Variants in DPP6 observed in about 807,000 individuals in gnomAD.
DPP6 encodes the protein A-type potassium channel modulatory protein DPP6.
A neutral mutation model predicts 122.6 loss-of-function variants in DPP6; 69 were observed. The observed-to-expected ratio is 0.56, with a 90% CI of 0.46 to 0.69. DPP6 has a LOEUF of 0.69. Ranked by LOEUF, DPP6 falls within the 30% of genes least tolerant of loss-of-function variation. DPP6 has a pLI of 0.00. For synonymous variants in DPP6, 418 were observed against 433.1 expected (o/e 0.97, Z 0.43); for missense variants, 928 against 1,116.9 (o/e 0.83, Z 2.41).
chr7:153,993,909 C>G (rs1228027260), intron 1 of DPP6, among the ~76,000 whole-genome samples: 1 of 152,000 alleles, frequency 6.6e-6, no homozygotes, highest in African/African-American at 2.4e-5. Context: ...GCTAAGGTGC[C>G]AACTCTAACG....
intron 1 of DPP6, among the ~76,000 whole-genome samples, chr7:154,347,872 C>T (rs899432896): frequency 5.9e-5 from 9 of 152,168 alleles, no homozygotes; most frequent in Admixed American, 5.2e-4. Flanking sequence ...GTGAACCAGC[C>T]CTGCCAATGA....
At chr7:153,857,322 T>TCTCTCTC in the DPP6 span, among the ~76,000 whole-genome samples, 32 of 124,476 alleles carry the variant, frequency 2.6e-4, no homozygotes, top group East Asian at 2.3e-3. Context: ...CTCAAAGGTT[T>TCTCTCTC]TCTCTCTCTC....
chr7:154,027,926 C>A (rs1033211726), intron 1 of DPP6, among the ~76,000 whole-genome samples: 1 of 151,182 alleles, frequency 6.6e-6, no homozygotes, highest in East Asian at 1.9e-4. Flanking sequence ...TCCTGGATCC[C>A]GGAAACATGG....
chr7:154,168,671 A>C (rs1213279704), intron 1 of DPP6, among the ~76,000 whole-genome samples: 1 of 152,178 alleles, frequency 6.6e-6, no homozygotes. Flanking sequence ...TTCATCATGG[A>C]ATTCAACTTG....
chr7:153,852,866 T>C, the DPP6 span, among the ~76,000 whole-genome samples: 3 of 152,170 alleles, frequency 2.0e-5, no homozygotes, highest in Non-Finnish European at 4.4e-5. Context: ...CACACCAAAA[T>C]GCATCTCGAC....
chr7:154,779,647 G>C (rs1796907424), intron 10 of DPP6, among the ~76,000 whole-genome samples: 1 of 152,172 alleles, frequency 6.6e-6, no homozygotes, highest in African/African-American at 2.4e-5. Context: ...AGCTCATTTG[G>C]AGGGTTTGCT....
intron 1 of DPP6, among the ~76,000 whole-genome samples, chr7:154,306,264 C>A (rs994003621): frequency 6.6e-6 from 1 of 152,306 alleles, no homozygotes; most frequent in African/African-American, 2.4e-5. Flanking sequence ...TGCAGAGGCC[C>A]AAGGGGTGAG....
At chr7:153,931,386 A>G (rs935401550) in intron 1 of DPP6, among the ~76,000 whole-genome samples, 4 of 152,192 alleles carry the variant, frequency 2.6e-5, no homozygotes, top group African/African-American at 4.8e-5. Context: ...TCTTAGCACT[A>G]AGGCAGCTCT....
At chr7:154,591,424 C>T (rs1350015126) in intron 5 of DPP6, among the ~76,000 whole-genome samples, 3 of 152,112 alleles carry the variant, frequency 2.0e-5, no homozygotes, top group Non-Finnish European at 4.4e-5. Flanking sequence ...ACAGCAGTAA[C>T]AAGGACGATG....
chr7:154,208,227 C>T (rs1799554790), intron 1 of DPP6, among the ~76,000 whole-genome samples: 1 of 152,224 alleles, frequency 6.6e-6, no homozygotes, highest in African/African-American at 2.4e-5. Context: ...ACTTTCACTA[C>T]TGGAATGCCT....
intron 2 of DPP6, among the ~76,000 whole-genome samples, chr7:154,463,063 C>T (rs186346083): frequency 5.7e-4 from 86 of 151,878 alleles, no homozygotes; most frequent in Non-Finnish European, 9.1e-4. Flanking sequence ...ATGGGCAGGT[C>T]GAGAAATATC....
At chr7:154,634,089 G>T (rs1835572883) in intron 5 of DPP6, among the ~76,000 whole-genome samples, 1 of 147,014 alleles carries the variant, frequency 6.8e-6, no homozygotes, top group Non-Finnish European at 1.5e-5. Context: ...GTATACATGT[G>T]CCATGTTGGT....
chr7:154,444,012 C>A (rs552796549), intron 1 of DPP6, among the ~76,000 whole-genome samples: 9 of 152,242 alleles, frequency 5.9e-5, no homozygotes, highest in African/African-American at 2.2e-4. Flanking sequence ...TCAACTCCTG[C>A]AAGTTAGGAG....
At chr7:154,431,919 C>G (rs1818463078) in intron 1 of DPP6, among the ~76,000 whole-genome samples, 1 of 152,186 alleles carries the variant, frequency 6.6e-6, no homozygotes, top group African/African-American at 2.4e-5. Flanking sequence ...TGATCCAGGA[C>G]AGCGCTCAGC....
At chr7:154,669,194 A>G (rs1586852848) in intron 6 of DPP6, among the ~76,000 whole-genome samples, 166 bp from the exon 7 acceptor site, 1 of 152,252 alleles carries the variant, frequency 6.6e-6, no homozygotes, top group East Asian at 1.9e-4. Flanking sequence ...AACCTAATAG[A>G]GACTAAATGA....
At chr7:154,737,052 G>A (rs532448392) in intron 8 of DPP6, among the ~76,000 whole-genome samples, 15 of 152,340 alleles carry the variant, frequency 9.8e-5, no homozygotes, top group African/African-American at 3.4e-4. Context: ...TTCTTACCGT[G>A]AGCCCAGGGG....
At chr7:154,412,737 G>T (rs148171225) in intron 1 of DPP6, among the ~76,000 whole-genome samples, 13 of 151,938 alleles carry the variant, frequency 8.6e-5, no homozygotes, top group African/African-American at 3.1e-4. Flanking sequence ...ATTCAATGCC[G>T]CCCAATCCGA....
At chr7:154,747,808 GT>G (rs1044236364) in intron 8 of DPP6, among the ~76,000 whole-genome samples, 8 of 152,144 alleles carry the variant, frequency 5.3e-5, no homozygotes, top group Non-Finnish European at 1.0e-4. Flanking sequence ...TGACACCCTA[GT>G]TTTTTCTGTA....
chr7:153,991,105 G>C (rs1797157095), intron 1 of DPP6, among the ~76,000 whole-genome samples: 1 of 152,174 alleles, frequency 6.6e-6, no homozygotes, highest in South Asian at 2.1e-4. Flanking sequence ...GCTCCCTTAT[G>C]CCGTAAAGGC....
Sources: gnomAD v4.1 joint callset for allele counts (sites outside exome capture counted in the v4.1 genomes callset) on GRCh38, gnomAD v4.1.1 for gene constraint, MANE v1.5 for transcripts, NCBI Gene and HGNC (gene_info 2026-07-23, HGNC 2026-07-21) for gene names.